CSMD1: variants seen among roughly 807,000 people sequenced by gnomAD.
The protein encoded by CSMD1 is CUB and Sushi multiple domains 1.
Under a neutral mutation model 417.5 loss-of-function variants are expected in CSMD1, and 213 were observed. The ratio of observed to expected loss-of-function variants is 0.51; its 90% confidence interval spans 0.46 to 0.57. The LOEUF (loss-of-function observed/expected upper bound fraction) is 0.57, where lower values mean the gene tolerates loss of function less well. Among genes scored for constraint, CSMD1 ranks in the 20% least tolerant of loss-of-function variants. CSMD1 has a pLI of 0.00. For missense variants in CSMD1, 6,923 were observed against 4,529.7 expected, an observed-to-expected ratio of 1.53 and a Z score of -15.17; for synonymous variants, 2,862 against 1,736.8, an observed-to-expected ratio of 1.65 and a Z score of -16.11.
chr8:3,801,059 C>T (rs935781223), intron 5 of CSMD1, among the ~76,000 whole-genome samples: 1 of 151,388 alleles, frequency 6.6e-6, no homozygotes, highest in African/African-American at 2.4e-5. Context: ...TGGTTGAGGC[C>T]ATGCTTCCCT....
chr8:2,958,602 G>A (rs532088051), intron 62 of CSMD1, among the ~76,000 whole-genome samples: 2 of 152,302 alleles, frequency 1.3e-5, no homozygotes, highest in African/African-American at 4.8e-5. Flanking sequence ...GATCATCCAT[G>A]GTTCTGTGTA....
At chr8:3,797,573 C>A (rs1185293257) in intron 5 of CSMD1, among the ~76,000 whole-genome samples, 1 of 151,814 alleles carries the variant, frequency 6.6e-6, no homozygotes, top group Non-Finnish European at 1.5e-5. Flanking sequence ...ATAATATTTT[C>A]AAGATTCACA....
chr8:3,570,757 T>C (rs1453317402), intron 10 of CSMD1, among the ~76,000 whole-genome samples: 3 of 152,184 alleles, frequency 2.0e-5, no homozygotes, highest in African/African-American at 4.8e-5. Flanking sequence ...TGTTCTTTCA[T>C]TTATTTATGG....
At chr8:4,156,870 G>C (rs890348060) in intron 3 of CSMD1, among the ~76,000 whole-genome samples, 1 of 152,150 alleles carries the variant, frequency 6.6e-6, no homozygotes, top group African/African-American at 2.4e-5. Context: ...CTGAGCTTAA[G>C]TCTCCTCATA....
intron 3 of CSMD1, among the ~76,000 whole-genome samples, chr8:4,363,887 G>A (rs1412909550): frequency 6.6e-6 from 1 of 152,174 alleles, no homozygotes; most frequent in Non-Finnish European, 1.5e-5. Flanking sequence ...GTAAAGGACG[G>A]TTACCAGAGT....
At chr8:3,798,769 A>T (rs1480515636) in intron 5 of CSMD1, among the ~76,000 whole-genome samples, 1 of 152,016 alleles carries the variant, frequency 6.6e-6, no homozygotes, top group Non-Finnish European at 1.5e-5. Flanking sequence ...AATTTTTTTT[A>T]CTATGTTTGT....
intron 41 of CSMD1, among the ~76,000 whole-genome samples, chr8:3,132,628 G>C (rs1175322635): frequency 6.6e-6 from 1 of 152,126 alleles, no homozygotes; most frequent in African/African-American, 2.4e-5. Flanking sequence ...ATTTCCACCA[G>C]ATTATTCTGA....
intron 3 of CSMD1, among the ~76,000 whole-genome samples, chr8:4,159,738 G>C (rs569177279): frequency 6.6e-6 from 1 of 152,088 alleles, no homozygotes; most frequent in Non-Finnish European, 1.5e-5. Context: ...ACAGGTGCCC[G>C]CCACCACGCC....
intron 2 of CSMD1, among the ~76,000 whole-genome samples, chr8:4,500,216 G>A (rs1409512929): frequency 1.3e-5 from 2 of 152,004 alleles, no homozygotes; most frequent in East Asian, 3.9e-4. Flanking sequence ...CCAGGGAGAG[G>A]TTGGCTTAGT....
At chr8:4,102,519 T>C (rs1013517450) in intron 3 of CSMD1, among the ~76,000 whole-genome samples, 5 of 152,090 alleles carry the variant, frequency 3.3e-5, no homozygotes, top group African/African-American at 7.2e-5. Context: ...TTAGCGACAA[T>C]GGGGAGGCTT....
chr8:4,341,070 C>T (rs1800450341), intron 3 of CSMD1, among the ~76,000 whole-genome samples: 1 of 151,930 alleles, frequency 6.6e-6, no homozygotes, highest in African/African-American at 2.4e-5. Flanking sequence ...AAAGGTAAAA[C>T]TTGGGAAAGA....
chr8:3,767,625 A>G (rs910444965), intron 5 of CSMD1, among the ~76,000 whole-genome samples: 22 of 152,332 alleles, frequency 1.4e-4, no homozygotes, highest in African/African-American at 5.1e-4. Context: ...ATCCACTTGC[A>G]TATATATTCA....
chr8:4,512,929 A>G (rs1254854897), intron 2 of CSMD1, among the ~76,000 whole-genome samples: 1 of 152,172 alleles, frequency 6.6e-6, no homozygotes, highest in South Asian at 2.1e-4. Context: ...TATGATTCCA[A>G]CTGTGTAATA....
chr8:4,231,132 A>C (rs528996000), intron 3 of CSMD1, among the ~76,000 whole-genome samples: 1 of 152,348 alleles, frequency 6.6e-6, no homozygotes, highest in East Asian at 1.9e-4. Context: ...ACAGAAGAGT[A>C]TTACGAAAAC....
intron 11 of CSMD1, among the ~76,000 whole-genome samples, chr8:3,475,867 T>A (rs990211656): frequency 6.6e-5 from 10 of 152,234 alleles, no homozygotes; most frequent in African/African-American, 2.4e-4. Context: ...ACTAAACTCT[T>A]TCCAATGCAA....
chr8:4,044,334 A>G (rs1000286672), intron 3 of CSMD1, among the ~76,000 whole-genome samples: 2 of 152,224 alleles, frequency 1.3e-5, no homozygotes, highest in African/African-American at 2.4e-5. Flanking sequence ...TAAAAATAAC[A>G]CAATGCAATT....
chr8:4,320,715 C>G (rs961814792), intron 3 of CSMD1, among the ~76,000 whole-genome samples: 13 of 152,132 alleles, frequency 8.5e-5, no homozygotes, highest in African/African-American at 2.7e-4. Flanking sequence ...GCATAGTATT[C>G]CATGGTGTGT....
At chr8:4,700,756 C>T (rs773519063) in intron 1 of CSMD1, among the ~76,000 whole-genome samples, 7 of 151,926 alleles carry the variant, frequency 4.6e-5, no homozygotes, top group Admixed American at 2.0e-4. Flanking sequence ...ATGCAACTTA[C>T]GCTGCAATAA....
chr8:4,232,228 C>G (rs1196290157), intron 3 of CSMD1, among the ~76,000 whole-genome samples: 1 of 152,162 alleles, frequency 6.6e-6, no homozygotes, highest in African/African-American at 2.4e-5. Flanking sequence ...CAGAGTCTCG[C>G]TCTGTCAGTC....
Sources: gnomAD v4.1 joint callset for allele counts (sites outside exome capture counted in the v4.1 genomes callset) on GRCh38, gnomAD v4.1.1 for gene constraint, MANE v1.5 for transcripts, NCBI Gene and HGNC (gene_info 2026-07-23, HGNC 2026-07-21) for gene names.